The following MSH6 variants were observed in gnomAD, a reference collection of about 807,000 sequenced individuals.
The protein encoded by MSH6 is DNA mismatch repair protein Msh6.
A neutral mutation model predicts 119.1 loss-of-function variants in MSH6; 85 were observed. That is an observed-to-expected ratio of 0.71 (90% confidence interval 0.60 to 0.85). The LOEUF (loss-of-function observed/expected upper bound fraction) is 0.85, where lower values mean the gene tolerates loss of function less well. Ranked by LOEUF, MSH6 falls within the 40% of genes least tolerant of loss-of-function variation. The pLI, the probability that MSH6 is intolerant of heterozygous loss-of-function variation, is 0.00. For synonymous variants in MSH6, 830 were observed against 586.9 expected, an observed-to-expected ratio of 1.41 and a Z score of -5.99; for missense variants, 2,163 against 1,655.3, an observed-to-expected ratio of 1.31 and a Z score of -5.32.
At position 47,790,991 on chromosome 2, in the gene MSH6, C is replaced by T. The variant is rs1064793870; in HGVS notation, c.325C>T (p.Leu109=). The T allele has an allele frequency of 6.2e-7, 1 of 1,614,198 alleles. No individual in the cohort carries two copies. Among genetic ancestry groups the T allele is most frequent in the Non-Finnish European group, 8.5e-7 (1 of 1,180,048 alleles). The change falls in exon 2 of 10, where the codon CTG becomes TTG. Residue 109 remains leucine, a synonymous_variant. Transcript: ENST00000234420. ...KMEGYPWWPC[L]VYNHPFDGTF... is the part of the protein sequence containing the mutation. The stretch of plus-strand genomic sequence containing the variant: ...GGAGGGTTACCCCTGGTGGCCTTGT[C>T]TGGTTTACAACCACCCCTTTGATGG...
chr2:47,798,212 CT>C (rs1669213679), intron 3 of MSH6: 3 of 176,206 alleles, frequency 1.7e-5, no homozygotes, highest in South Asian at 2.5e-4. Context: ...GAGGTGGGTT[CT>C]TTTTTTGGCA....
At chr2:47,809,586 A>C, downstream of MSH6, 1 of 1,565,920 alleles carries the variant, frequency 6.4e-7, no homozygotes. Flanking sequence ...TAGGTATAGC[A>C]GACTCCAACA....
At chr2:47,783,568 C>T in intron 1 of MSH6, 75 bp downstream of exon 1, 1 of 1,347,916 alleles carries the variant, frequency 7.4e-7, no homozygotes, top group Non-Finnish European at 9.6e-7. Flanking sequence ...GGGAGGCTCG[C>T]ACAGGGGGTT....
intron 5 of MSH6, 115 bp from the exon 6 acceptor site, chr2:47,804,795 A>G (rs1320762361): frequency 1.2e-6 from 1 of 808,118 alleles, no homozygotes; most frequent in Non-Finnish European, 2.2e-6. Flanking sequence ...CGTACATGTG[A>G]TTGTGAAAGT....
rs561198849 is a variant in MSH6, at chr2:47,800,274, C to G, written c.2291C>G (p.Thr764Ser). The change falls in exon 4 of 10, where the codon ACT becomes AGT. Residue 764 changes from threonine to serine, a missense_variant. Coordinates refer to ENST00000234420, the MANE Select transcript of MSH6 (RefSeq NM_000179.3). ...TEGTLLERVDTCHTPFGKRLL... is the reference protein window; with the variant it reads ...TEGTLLERVDSCHTPFGKRLL... ...GGAACCCTACTAGAGAGGGTTGATA[C>G]TTGCCATACTCCTTTTGGTAAGCGG... is the stretch of plus-strand genomic sequence containing the variant. 3 of 1,614,158 alleles carry G rather than the reference C, an allele frequency of 1.9e-6. No individual in the cohort carries two copies. In the South Asian group the frequency reaches 3.3e-5, roughly 18 times the overall value.
downstream of MSH6, chr2:47,808,505 A>G: frequency 3.1e-6 from 4 of 1,311,408 alleles, no homozygotes; most frequent in Non-Finnish European, 4.1e-6. Flanking sequence ...ATATATTACT[A>G]TGACCTTTGG....
Position 47,798,935 on chromosome 2 carries a change from G to T in MSH6, c.952G>T (p.Glu318Ter), listed in dbSNP as rs1114167763. ...TCTTAAAAGGAAAAGCTCTAGGAAG[G>T]AAACGCCCTCAGCCACCAAACAAGC... ...GSLKRKSSRK[E>*]TPSATKQATS... is the part of the protein sequence containing the mutation. The change falls in exon 4 of 10, where the codon GAA (glutamate) becomes TAA (stop). Residue 318 changes from glutamate to a stop codon, truncating the protein, a stop_gained. Coordinates refer to ENST00000234420, the MANE Select transcript of MSH6 (RefSeq NM_000179.3). LOFTEE classifies it high-confidence loss of function. The T allele has an allele frequency of 6.2e-7, 1 of 1,614,154 alleles. No homozygotes were observed. Among genetic ancestry groups the T allele is most frequent in the Non-Finnish European group, 8.5e-7 (1 of 1,180,026 alleles).
chr2:47,801,750 G>A (rs760863869), intron 4 of MSH6, among the ~76,000 whole-genome samples: 5 of 152,048 alleles, frequency 3.3e-5, no homozygotes, highest in Non-Finnish European at 5.9e-5. Flanking sequence ...CAGACCTCTC[G>A]TGTCAGCCTC....
intron 2 of MSH6, among the ~76,000 whole-genome samples, chr2:47,794,250 A>G (rs1032890596): frequency 2.6e-5 from 4 of 151,778 alleles, no homozygotes; most frequent in African/African-American, 9.7e-5. Context: ...GTGAGGCAGA[A>G]TTGCTTGAAC....
At position 47,790,914 on chromosome 2, in the gene MSH6, CT is replaced by C. The variant is rs1363210454; in HGVS notation, c.261-9del. The C allele has an allele frequency of 6.2e-7, 1 of 1,613,862 alleles. No homozygotes were observed. Among genetic ancestry groups the C allele is most frequent in the Non-Finnish European group, 8.5e-7 (1 of 1,179,740 alleles). On this transcript the variant is annotated splice_polypyrimidine_tract_variant and intron_variant, in intron 1 of 9. Transcript: ENST00000234420. ...AAATATTAACTAAGTTATGTATTTC[CT>C]TTTGGCAACAGTTGTGACTTCTCAC...
intron 4 of MSH6, among the ~76,000 whole-genome samples, chr2:47,801,965 A>G (rs956003869): frequency 1.3e-5 from 2 of 152,162 alleles, no homozygotes; most frequent in African/African-American, 4.8e-5. Flanking sequence ...TAAATGTGTT[A>G]TACTTCATGA....
Position 47,805,775 on chromosome 2 carries a change from A to G in MSH6, c.3646+68A>G, listed in dbSNP as rs1572742781. The stretch of plus-strand genomic sequence containing the variant: ...AACATTTGTACAAATAACTATTTTT[A>G]TAGAAGATTATCTGAAGTACATTTA... On this transcript the variant is annotated intron_variant, in intron 7 of 9. Coordinates refer to ENST00000234420, the MANE Select transcript of MSH6 (RefSeq NM_000179.3). 7 of 1,198,764 alleles carry G rather than the reference A, an allele frequency of 5.8e-6. No individual in the cohort carries two copies. The East Asian group carries it at 1.6e-4, about 28-fold the overall frequency. 74.3% of individuals were successfully genotyped at this position (1,198,764 alleles called of 1,614,324 possible). A position where few individuals can be genotyped will look rare whatever the true frequency, so the allele number is the denominator to read the frequency against.
rs1553412966 is a variant in MSH6 at position 47,799,553 on chromosome 2, T to TA, written c.1571dup (p.Tyr524Ter). 1 of 1,614,170 alleles carries TA rather than the reference T, an allele frequency of 6.2e-7. No homozygotes were observed. Among genetic ancestry groups the TA allele is most frequent in the Non-Finnish European group, 8.5e-7 (1 of 1,180,018 alleles). ...CRIITKGTQTYSVLEGDPSEN... is the reference protein window; with the variant it reads ...CRIITKGTQT ...GATCATTACCAAGGGTACACAGACTTACAGTGTGCTGGAAGGTGATCCCTC... is the reference window on the plus strand; with the variant it reads ...GATCATTACCAAGGGTACACAGACTTAACAGTGTGCTGGAAGGTGATCCCTC... Residue 524 changes from tyrosine (Y) to a stop codon, truncating the protein, a stop_gained and frameshift_variant, in exon 4 of 10, where the codon TAC becomes TAAC. Transcript: ENST00000234420. LOFTEE classifies it high-confidence loss of function.
At chr2:47,804,303 T>C (rs571638825) in intron 5 of MSH6, among the ~76,000 whole-genome samples, 1 of 152,222 alleles carries the variant, frequency 6.6e-6, no homozygotes, top group Non-Finnish European at 1.5e-5. Flanking sequence ...TTTATGGCAT[T>C]GTATTTATCT....
Position 47,799,929 on chromosome 2 carries a change from A to T in MSH6, c.1946A>T (p.Asp649Val), listed in dbSNP as rs777799551. ...EEEYFREKLS[D>V]GIGVMLPQVL... is the part of the protein sequence containing the mutation. ...GAATATTTTAGGGAAAAGCTAAGTG[A>T]TGGCATTGGGGTGATGTTACCCCAG... The change falls in exon 4 of 10, where the codon GAT (aspartate) becomes GTT (valine). Residue 649 changes from aspartate to valine, a missense_variant. Asp to Val is a radical substitution (Grantham distance 152). Coordinates refer to ENST00000234420, the MANE Select transcript of MSH6 (RefSeq NM_000179.3). 1 of 1,614,084 alleles carries T rather than the reference A, an allele frequency of 6.2e-7. No individual in the cohort carries two copies. Among genetic ancestry groups the T allele is most frequent in the Non-Finnish European group, 8.5e-7 (1 of 1,180,048 alleles).
intron 1 of MSH6, among the ~76,000 whole-genome samples, chr2:47,788,906 CCTTTTT>C (rs1668530550): frequency 6.3e-5 from 1 of 15,826 alleles, no homozygotes; most frequent in African/African-American, 3.9e-4. Flanking sequence ...CTTTCTTCTT[CCTTTTT>C]TTTTTTTTTG....
Position 47,799,790 on chromosome 2 carries a change from A to T in MSH6, c.1807A>T (p.Lys603Ter), listed in dbSNP as rs1238126377. The T allele has an allele frequency of 6.2e-7, 1 of 1,614,106 alleles. No individual in the cohort carries two copies. The highest frequency in any genetic ancestry group is 2.2e-5 in the East Asian group (1 of 44,898). ...QVLFEKGNLS[K>*]ETKTILKSSL... The stretch of plus-strand genomic sequence containing the variant: ...TTTATTTGAAAAAGGAAATCTCTCA[A>T]AGGAAACTAAAACAATTCTAAAGAG... The change falls in exon 4 of 10, where the codon AAG (lysine) becomes TAG (stop). Residue 603 changes from lysine (K) to a stop codon, truncating the protein, a stop_gained. Transcript: ENST00000234420. LOFTEE classifies it high-confidence loss of function.
chr2:47,801,361 G>GTTTTTTGTTTT (rs1669577305), intron 4 of MSH6: 2 of 89,994 alleles, frequency 2.2e-5, no homozygotes, highest in South Asian at 1.6e-4. Context: ...CCTTTCTTCA[G>GTTTTTTGTTTT]TTTTTTTTTT....
At chr2:47,806,403 G>T (rs1390499004) in intron 8 of MSH6, 45 bp downstream of exon 8, 1 of 1,612,374 alleles carries the variant, frequency 6.2e-7, no homozygotes, top group Admixed American at 1.7e-5. Context: ...TTTTTGAGAG[G>T]GCACTTCTCT....
Sources: allele counts gnomAD v4.1 joint callset (sites outside exome capture counted in the v4.1 genomes callset), GRCh38; gene constraint gnomAD v4.1.1; transcripts MANE v1.5; gene names NCBI Gene and HGNC (gene_info 2026-07-23, HGNC 2026-07-21).